The following ARSB variants were observed in gnomAD, a reference collection of about 807,000 sequenced individuals.
ARSB encodes arylsulfatase B.
Under a neutral mutation model 50.9 loss-of-function variants are expected in ARSB, and 41 were observed. The observed-to-expected ratio is 0.81, with a 90% confidence interval of 0.63 to 1.04. ARSB has a LOEUF of 1.04. Ranked by LOEUF, ARSB falls within the 50% of genes least tolerant of loss-of-function variation. ARSB has a pLI of 0.00. For synonymous variants in ARSB, 269 were observed against 284.8 expected (o/e 0.94, Z 0.56); for missense variants, 672 against 693.3 (o/e 0.97, Z 0.35).
At chr5:78,859,737 A>T (rs1241015145) in intron 5 of ARSB, among the ~76,000 whole-genome samples, 1 of 151,998 alleles carries the variant, frequency 6.6e-6, no homozygotes, top group African/African-American at 2.4e-5. Context: ...AAGAGTGATG[A>T]TCTTCCATGA....
At chr5:78,826,761 T>C (rs530460486) in intron 6 of ARSB, among the ~76,000 whole-genome samples, 137 of 152,334 alleles carry the variant, frequency 9.0e-4, no homozygotes, top group Non-Finnish European at 1.6e-3. Flanking sequence ...TAAAGCTGAC[T>C]GCAAGCTCTT....
At chr5:78,885,887 C>G in intron 4 of ARSB, 60 bp from the exon 5 acceptor site, 1 of 1,610,150 alleles carries the variant, frequency 6.2e-7, no homozygotes, top group Non-Finnish European at 8.5e-7. Context: ...CATTTAAGAA[C>G]AGAGACTGTA....
chr5:78,878,388 C>G (rs556185054), intron 5 of ARSB, among the ~76,000 whole-genome samples: 103 of 152,216 alleles, frequency 6.8e-4, no homozygotes, highest in Non-Finnish European at 1.2e-3. Context: ...TAGTCAGATG[C>G]CAGCATGAGA....
chr5:78,903,841 G>C (rs1409782289), intron 4 of ARSB, among the ~76,000 whole-genome samples: 2 of 152,094 alleles, frequency 1.3e-5, no homozygotes, highest in Non-Finnish European at 2.9e-5. Flanking sequence ...GAAATCATGT[G>C]CTGGTGATTT....
intron 5 of ARSB, among the ~76,000 whole-genome samples, chr5:78,866,365 T>C (rs1746737354): frequency 6.6e-6 from 1 of 152,026 alleles, no homozygotes; most frequent in Non-Finnish European, 1.5e-5. Context: ...GAGAACAGCA[T>C]AGGAAAGACC....
intron 4 of ARSB, among the ~76,000 whole-genome samples, chr5:78,910,242 A>G (rs337850): frequency 0.7 from 107,025 of 152,116 alleles, 37,754 homozygotes; most frequent in South Asian, 0.79. Flanking sequence ...TATGCTAAGC[A>G]CCGGTCTCCT....
intron 5 of ARSB, among the ~76,000 whole-genome samples, chr5:78,841,625 C>A (rs889851150): frequency 1.3e-5 from 2 of 152,012 alleles, no homozygotes; most frequent in African/African-American, 4.8e-5. Flanking sequence ...TGTAATACCC[C>A]AAAATATTAG....
At chr5:78,977,169 C>T (rs6873893) in intron 1 of ARSB, among the ~76,000 whole-genome samples, 10 of 150,404 alleles carry the variant, frequency 6.6e-5, no homozygotes, top group Non-Finnish European at 1.5e-4. Flanking sequence ...ACTTCCCCCC[C>T]GCGAGATGGA....
At chr5:78,796,929 G>A (rs554815390) in intron 6 of ARSB, among the ~76,000 whole-genome samples, 1 of 149,324 alleles carries the variant, frequency 6.7e-6, no homozygotes. Flanking sequence ...CCAGGCTGGA[G>A]TGCAGTGGCG....
At chr5:78,851,977 T>C (rs1327642614) in intron 5 of ARSB, among the ~76,000 whole-genome samples, 4 of 152,192 alleles carry the variant, frequency 2.6e-5, no homozygotes, top group Non-Finnish European at 5.9e-5. Context: ...ATGGGTTTCC[T>C]GAATACAGCA....
intron 4 of ARSB, among the ~76,000 whole-genome samples, chr5:78,903,184 T>G (rs1264118123): frequency 1.3e-5 from 2 of 152,164 alleles, no homozygotes; most frequent in Non-Finnish European, 2.9e-5. Context: ...ACAGCTCTGG[T>G]CAGCTGGGGA....
intron 6 of ARSB, among the ~76,000 whole-genome samples, chr5:78,830,738 C>A (rs62377505): frequency 0.16 from 24,647 of 152,142 alleles, 2,479 homozygotes; most frequent in East Asian, 0.23. Context: ...AGACTAGAAG[C>A]CTTTGAAAAT....
chr5:78,816,042 T>C, intron 6 of ARSB: 1 of 1,613,694 alleles, frequency 6.2e-7, no homozygotes, highest in Middle Eastern at 1.6e-4. Flanking sequence ...TGAAGTCATT[T>C]CTTATGCCCT....
In ARSB at chr5:78,922,812, C is replaced by T. The variant is rs191418143; in HGVS notation, c.898+32483G>A. Among the ~76,000 whole-genome samples, 20 of 152,044 alleles carry T rather than the reference C, an allele frequency of 1.3e-4. No homozygotes were observed. The East Asian group carries it at 1.6e-3, about 12-fold the overall frequency. ...TTCTGGAGCTGCCCCTGGGCAGTGA[C>T]GGGGTTTCACCATGTTGACCAGGAT... is the stretch of plus-strand genomic sequence containing the variant. On this transcript the variant is annotated intron_variant, in intron 4 of 7. Coordinates refer to ENST00000264914, the MANE Select transcript of ARSB (RefSeq NM_000046.5).
intron 1 of ARSB, among the ~76,000 whole-genome samples, chr5:78,984,702 C>T (rs1426198958): frequency 6.6e-6 from 1 of 152,122 alleles, no homozygotes; most frequent in South Asian, 2.1e-4. Flanking sequence ...ACCCGCCCAA[C>T]CCGGCGGCCG....
rs372296876 is a variant in ARSB, at chr5:78,849,309, T to G, written c.1143-9883A>C. On this transcript the variant is annotated intron_variant, in intron 5 of 7. Transcript: ENST00000264914. ...GGCTAGCCAGTTTTCCCAGCACCAT[T>G]TATTAAATGGGGAATCCTTTCCCCA... Among the ~76,000 whole-genome samples the G allele has an allele frequency of 1.2e-4, 18 of 152,278 alleles. No individual in the cohort carries two copies. The East Asian group carries it at 1.5e-3, about 13-fold the overall frequency.
chr5:78,978,858 A>G (rs1242938494), intron 1 of ARSB, among the ~76,000 whole-genome samples: 1 of 152,222 alleles, frequency 6.6e-6, no homozygotes, highest in Non-Finnish European at 1.5e-5. Context: ...CCTAAATGTA[A>G]AAACTGAAAA....
chr5:78,836,154 C>T lies in ARSB; in HGVS notation c.1213+3202G>A, dbSNP rs569957823. ...TATCATCATCCTAAAAATGAGCAGG[C>T]ACCCAAAGACAGCTCTTCTTGTTTC... On this transcript the variant is annotated intron_variant, in intron 6 of 7. Transcript: ENST00000264914. Among the ~76,000 whole-genome samples the T allele has an allele frequency of 4.6e-5, 7 of 152,272 alleles. No individual in the cohort carries two copies. In the East Asian group the frequency reaches 1.2e-3, roughly 25 times the overall value.
chr5:78,963,278 G>A (rs1404404645), intron 3 of ARSB, among the ~76,000 whole-genome samples: 1 of 152,138 alleles, frequency 6.6e-6, no homozygotes, highest in Non-Finnish European at 1.5e-5. Flanking sequence ...AGCAAATGCT[G>A]GTGCCATGCT....
Sources: allele counts gnomAD v4.1 joint callset (sites outside exome capture counted in the v4.1 genomes callset), GRCh38; gene constraint gnomAD v4.1.1; transcripts MANE v1.5; gene names NCBI Gene and HGNC (gene_info 2026-07-23, HGNC 2026-07-21).